DNAH5: variants seen among roughly 807,000 people sequenced by gnomAD.
DNAH5 encodes the protein dynein axonemal heavy chain 5.
Under a neutral mutation model 518.2 loss-of-function variants are expected in DNAH5, and 372 were observed. The observed-to-expected ratio is 0.72, with a 90% CI of 0.66 to 0.78. The LOEUF (loss-of-function observed/expected upper bound fraction) is 0.78, where lower values mean the gene tolerates loss of function less well. DNAH5 is among the 30% of genes least tolerant of loss of function. The pLI is 0.00. For synonymous variants in DNAH5, 2,039 were observed against 2,025.9 expected (o/e 1.01, Z -0.17); for missense variants, 5,523 against 5,687.0 (o/e 0.97, Z 0.93).
intron 65 of DNAH5, among the ~76,000 whole-genome samples, chr5:13,739,342 T>C (rs1019166996): frequency 7.9e-5 from 12 of 152,154 alleles, no homozygotes; most frequent in Admixed American, 4.6e-4. Flanking sequence ...CAAGATCTGA[T>C]GGTTTTATCA....
chr5:13,849,553 G>C (rs1766525666), intron 31 of DNAH5, among the ~76,000 whole-genome samples: 1 of 152,134 alleles, frequency 6.6e-6, no homozygotes, highest in Admixed American at 6.6e-5. Flanking sequence ...CCTATCATAT[G>C]CCACCCTTTA....
At chr5:13,852,989 G>A (rs2151888438) in intron 30 of DNAH5, among the ~76,000 whole-genome samples, 1 of 152,376 alleles carries the variant, frequency 6.6e-6, no homozygotes, top group East Asian at 1.9e-4. Flanking sequence ...GAAGAGAGCA[G>A]CAGATCTCCC....
intron 22 of DNAH5, among the ~76,000 whole-genome samples, chr5:13,873,005 T>A (rs973742240): frequency 2.0e-5 from 3 of 152,148 alleles, no homozygotes; most frequent in African/African-American, 7.2e-5. Flanking sequence ...CACTAACAGA[T>A]ACAATGTACA....
intron 21 of DNAH5, among the ~76,000 whole-genome samples, chr5:13,878,103 C>T (rs190631197): frequency 3.7e-4 from 57 of 152,232 alleles, no homozygotes; most frequent in African/African-American, 1.2e-3. Context: ...CACACAAGCA[C>T]TTCAACAGGC....
At position 13,886,097 on chromosome 5, in the gene DNAH5, A is replaced by G. The variant is rs1238521207; in HGVS notation, c.2610T>C (p.His870=). Residue 870 remains histidine, a synonymous_variant, in exon 18 of 79, where the codon CAT becomes CAC. Coordinates refer to ENST00000265104, the MANE Select transcript of DNAH5 (RefSeq NM_001369.3). ...CCTCCTCCACTAATGAGCTTTTAAA[A>G]TGTAGTATTTGTGCACCATTTACAC... ...DLCVNGAQIL[H]FKSSLVEEAV... 1 of 1,598,606 alleles carries G rather than the reference A, an allele frequency of 6.3e-7. No homozygotes were observed. The highest frequency in any genetic ancestry group is 1.1e-5 in the South Asian group (1 of 90,586).
chr5:13,708,185 C>T lies in DNAH5; in HGVS notation c.13276G>A (p.Glu4426Lys), dbSNP rs777295839. Reference protein sequence around the residue: ...LAIDGTIIMSENLRDALDCMF... With the variant: ...LAIDGTIIMSKNLRDALDCMF... Reference sequence around the variant, plus strand: ...CAATCCAATGCATCTCGCAGATTTTCGCTCATGATGATGGTGCCATCAATA... The same window carrying T: ...CAATCCAATGCATCTCGCAGATTTTTGCTCATGATGATGGTGCCATCAATA... The change falls in exon 76 of 79, where the codon GAA becomes AAA. Residue 4426 changes from glutamate to lysine, a missense_variant. Physicochemically the swap from Glu to Lys is moderately conservative, Grantham distance 56. Coordinates refer to ENST00000265104, the MANE Select transcript of DNAH5 (RefSeq NM_001369.3). 9.9e-6 allele frequency: 16 copies of T among 1,614,064 alleles called. No individual in the cohort carries two copies. Among genetic ancestry groups the T allele is most frequent in the African/African-American group, 4.0e-5 (3 of 74,926 alleles).
intron 1 of DNAH5, among the ~76,000 whole-genome samples, chr5:13,986,069 G>A (rs1178214022): frequency 6.6e-6 from 1 of 152,160 alleles, no homozygotes; most frequent in Non-Finnish European, 1.5e-5. Context: ...TGACCACACC[G>A]AAGGAGTGCC....
At chr5:13,811,889 G>A in intron 43 of DNAH5, 66 bp from the exon 44 acceptor site, 1 of 1,479,324 alleles carries the variant, frequency 6.8e-7, no homozygotes, top group East Asian at 2.3e-5. Context: ...GTCATTTGGG[G>A]ACAAAAATTT....
chr5:13,718,524 G>C (rs1744608284), intron 72 of DNAH5, among the ~76,000 whole-genome samples: 1 of 152,214 alleles, frequency 6.6e-6, no homozygotes, highest in Admixed American at 6.5e-5. Flanking sequence ...AGGCAGGCAT[G>C]ACTTTAATTC....
chr5:13,783,238 G>A (rs1391821308), intron 52 of DNAH5, among the ~76,000 whole-genome samples: 2 of 152,202 alleles, frequency 1.3e-5, no homozygotes, highest in Non-Finnish European at 2.9e-5. Context: ...GCCCCCTGGG[G>A]TGAGAACTTC....
At chr5:13,895,649 A>AAAC in intron 15 of DNAH5, among the ~76,000 whole-genome samples, 19 of 152,068 alleles carry the variant, frequency 1.2e-4, no homozygotes, top group African/African-American at 4.3e-4. Context: ...ATTGATCTCA[A>AAAC]CTAGTGTCAC....
chr5:13,983,607 G>A lies in DNAH5; in HGVS notation c.12+28041C>T, dbSNP rs116509630. Among the ~76,000 whole-genome samples, 793 of 152,240 alleles carry A rather than the reference G, an allele frequency of 5.2e-3. 3 individuals are homozygous for A. Among genetic ancestry groups the A allele is most frequent in the African/African-American group, 0.018 (764 of 41,532 alleles). On this transcript the variant is annotated intron_variant, in intron 1 of 78. Transcript: ENST00000681290. Reference sequence around the variant, plus strand: ...GTGCATAGTTTTGACCTCTAGGACCGTCTGAAAGGATCTGGGGTCCTGGAC... The same window carrying A: ...GTGCATAGTTTTGACCTCTAGGACCATCTGAAAGGATCTGGGGTCCTGGAC...
At chr5:13,713,375 C>T (rs550819970) in intron 75 of DNAH5, among the ~76,000 whole-genome samples, 16 of 79,746 alleles carry the variant, frequency 2.0e-4, no homozygotes, top group South Asian at 1.2e-3. Flanking sequence ...ATATATATAC[C>T]GACATATATA....
chr5:13,991,690 C>G (rs1253083659), intron 1 of DNAH5, among the ~76,000 whole-genome samples: 1 of 152,008 alleles, frequency 6.6e-6, no homozygotes, highest in Non-Finnish European at 1.5e-5. Context: ...GGCGTGAAGA[C>G]AGAACAGAGG....
intron 70 of DNAH5, among the ~76,000 whole-genome samples, chr5:13,723,960 T>C (rs1745387550): frequency 6.6e-6 from 1 of 152,180 alleles, no homozygotes; most frequent in Non-Finnish European, 1.5e-5. Flanking sequence ...TGGTTCAAAT[T>C]GGCTCCAAGC....
intron 1 of DNAH5, among the ~76,000 whole-genome samples, chr5:13,954,663 C>T (rs1282639878): frequency 6.6e-6 from 1 of 152,214 alleles, no homozygotes; most frequent in African/African-American, 2.4e-5. Flanking sequence ...CACTTTCTTC[C>T]TCCCCCTTTC....
chr5:13,962,460 CAA>C (rs1056945410), intron 1 of DNAH5, among the ~76,000 whole-genome samples: 1 of 151,080 alleles, frequency 6.6e-6, no homozygotes, highest in African/African-American at 2.4e-5. Flanking sequence ...TGCCAGGAAC[CAA>C]AAAAAACAGT....
At chr5:13,856,084 G>T (rs1561441494) in intron 30 of DNAH5, among the ~76,000 whole-genome samples, 1 of 152,088 alleles carries the variant, frequency 6.6e-6, no homozygotes, top group Non-Finnish European at 1.5e-5. Flanking sequence ...ACAATTAAAA[G>T]AACTAGAGAA....
intron 1 of DNAH5, among the ~76,000 whole-genome samples, chr5:13,952,694 T>C (rs941826159): frequency 1.3e-5 from 2 of 152,198 alleles, no homozygotes; most frequent in African/African-American, 4.8e-5. Flanking sequence ...CAATTACAAA[T>C]TGTATTAGAG....
Sources: allele counts gnomAD v4.1 joint callset (sites outside exome capture counted in the v4.1 genomes callset), GRCh38; gene constraint gnomAD v4.1.1; transcripts MANE v1.5; gene names NCBI Gene and HGNC (gene_info 2026-07-23, HGNC 2026-07-21).